The following CACNB4 variants were observed in gnomAD, a reference collection of about 807,000 sequenced individuals.
CACNB4 encodes the protein calcium voltage-gated channel auxiliary subunit beta 4, also known as voltage-dependent L-type calcium channel subunit beta-4.
Under a neutral mutation model 71.2 loss-of-function variants are expected in CACNB4, and 32 were observed. The observed-to-expected ratio is 0.45, with a 90% CI of 0.34 to 0.60. CACNB4 has a LOEUF of 0.60. CACNB4 is among the 20% of genes least tolerant of loss of function. The pLI is 0.01. For missense variants in CACNB4, 464 were observed against 647.9 expected (o/e 0.72, Z 3.08); for synonymous variants, 231 against 236.9 (o/e 0.97, Z 0.23).
chr2:151,922,340 C>A lies in CACNB4; in HGVS notation c.148-38970G>T, dbSNP rs145425697. ...ACCTCTGCATCCTAAGTAACTGGGACTATAGGCGTGTGCTGCCTTGGCTGG... is the reference window on the plus strand; with the variant it reads ...ACCTCTGCATCCTAAGTAACTGGGAATATAGGCGTGTGCTGCCTTGGCTGG... On this transcript the variant is annotated intron_variant, in intron 2 of 13. Transcript: ENST00000539935. 6.1e-4 allele frequency among the ~76,000 whole-genome samples: 93 copies of A among 152,254 alleles called. 1 individual carries two copies. Among genetic ancestry groups the A allele is most frequent in the African/African-American group, 2.2e-3 (90 of 41,560 alleles).
intron 2 of CACNB4, among the ~76,000 whole-genome samples, chr2:151,940,715 G>T (rs1364999910): frequency 6.6e-6 from 1 of 152,194 alleles, no homozygotes; most frequent in Non-Finnish European, 1.5e-5. Context: ...AGGAATACAA[G>T]GGAGGGTTAT....
At chr2:152,066,277 C>T (rs1686315741) in intron 2 of CACNB4, among the ~76,000 whole-genome samples, 2 of 152,300 alleles carry the variant, frequency 1.3e-5, no homozygotes, top group South Asian at 4.1e-4. Context: ...CAGCTCCACA[C>T]TCATGCATTT....
chr2:151,897,706 T>C (rs562626353), intron 2 of CACNB4, among the ~76,000 whole-genome samples: 33 of 152,306 alleles, frequency 2.2e-4, no homozygotes, highest in Admixed American at 1.4e-3. Context: ...CTTGACTACC[T>C]GGGCTGGAAT....
At chr2:151,851,121 A>T (rs903818226) in intron 12 of CACNB4, 1 of 152,232 alleles carries the variant, frequency 6.6e-6, no homozygotes, top group Non-Finnish European at 1.5e-5. Context: ...TAAAGGAATT[A>T]AAATGACACA....
At chr2:151,953,816 T>C (rs1314287681) in intron 2 of CACNB4, among the ~76,000 whole-genome samples, 1 of 152,234 alleles carries the variant, frequency 6.6e-6, no homozygotes, top group Non-Finnish European at 1.5e-5. Flanking sequence ...TAGGTACTTG[T>C]GAACTTTTCA....
intron 2 of CACNB4, among the ~76,000 whole-genome samples, chr2:152,088,883 G>A (rs1687819160): frequency 6.6e-6 from 1 of 152,160 alleles, no homozygotes; most frequent in Non-Finnish European, 1.5e-5. Context: ...CCAAAGCACT[G>A]TTTATATTCA....
intron 2 of CACNB4, chr2:151,973,857 T>A: frequency 6.8e-7 from 1 of 1,475,956 alleles, no homozygotes; most frequent in South Asian, 1.4e-5. Flanking sequence ...GGCAAGATGC[T>A]ATTCATTCAC....
chr2:151,927,429 G>A (rs1457581764), intron 2 of CACNB4, among the ~76,000 whole-genome samples: 2 of 152,186 alleles, frequency 1.3e-5, no homozygotes, highest in African/African-American at 4.8e-5. Context: ...CTGGGAAGAT[G>A]TGGTGGAAAG....
At chr2:151,943,328 T>C (rs1441087102) in intron 2 of CACNB4, among the ~76,000 whole-genome samples, 8 of 152,138 alleles carry the variant, frequency 5.3e-5, no homozygotes, top group Admixed American at 2.0e-4. Context: ...TCTGCCCAAA[T>C]TGTCATTATC....
intron 2 of CACNB4, among the ~76,000 whole-genome samples, chr2:152,032,247 G>A (rs537351816): frequency 2.6e-5 from 4 of 152,236 alleles, no homozygotes; most frequent in South Asian, 2.1e-4. Context: ...TTTGCTCCAC[G>A]GATAAGAAAT....
At chr2:152,034,927 T>C (rs12693213) in intron 2 of CACNB4, among the ~76,000 whole-genome samples, 43,140 of 152,094 alleles carry the variant, frequency 0.28, 6,305 homozygotes, top group Middle Eastern at 0.43. Context: ...ACCAAAGGAA[T>C]CGTGAGTGCA....
chr2:152,096,279 A>T (rs1189904113), intron 2 of CACNB4, among the ~76,000 whole-genome samples: 2 of 152,060 alleles, frequency 1.3e-5, no homozygotes, highest in East Asian at 4.0e-4. Context: ...GTCAGGAGAT[A>T]AAGACCATCC....
chr2:152,029,544 C>A (rs1684168302), intron 2 of CACNB4, among the ~76,000 whole-genome samples: 1 of 134,176 alleles, frequency 7.5e-6, no homozygotes, highest in Non-Finnish European at 1.7e-5. Context: ...AAAGAAAGAG[C>A]CCAGAGTTTG....
intron 2 of CACNB4, among the ~76,000 whole-genome samples, chr2:151,885,063 T>C (rs2099849017): frequency 2.0e-5 from 3 of 152,334 alleles, no homozygotes; most frequent in Admixed American, 6.5e-5. Context: ...TGTCTCTCAG[T>C]AGAGGCCATC....
chr2:152,042,519 A>G (rs933183058), intron 2 of CACNB4, among the ~76,000 whole-genome samples: 3 of 152,204 alleles, frequency 2.0e-5, no homozygotes, highest in African/African-American at 7.2e-5. Flanking sequence ...CAGCTAGACT[A>G]GCAGTACCAT....
intron 2 of CACNB4, among the ~76,000 whole-genome samples, chr2:152,078,168 C>A (rs1285678509): frequency 2.0e-5 from 3 of 152,152 alleles, no homozygotes; most frequent in Admixed American, 2.0e-4. Flanking sequence ...CTGCGAGGAA[C>A]AATATTCTGG....
At position 152,098,997 on chromosome 2, in the gene CACNB4, G is replaced by A; in HGVS notation, c.15C>T (p.Ser5=). The change falls in exon 1 of 14, where the codon TCC becomes TCT. Residue 5 remains serine, a synonymous_variant. Transcript: ENST00000539935. This position sits in a 1 kb window ranked among gnomAD's most constrained non-coding sequence, Gnocchi z 5.3. ...CGTCCGCGGTCCCGTTCTTGGCGTA[G>A]GAGGAGGAGGACATCGTTCAGAGCC... MSSS[S]YAKNGTADGP... 2 of 1,529,250 alleles carry A rather than the reference G, an allele frequency of 1.3e-6. No individual in the cohort carries two copies. Among genetic ancestry groups the A allele is most frequent in the Non-Finnish European group, 1.8e-6 (2 of 1,139,424 alleles). The allele number at this position is 1,529,250 out of a possible 1,614,324, so 94.7% of individuals were successfully genotyped here.
chr2:152,002,121 A>C (rs1051660647), intron 2 of CACNB4, among the ~76,000 whole-genome samples: 14 of 152,154 alleles, frequency 9.2e-5, no homozygotes, highest in African/African-American at 2.9e-4. Flanking sequence ...GCAATGCCGC[A>C]CCTCCACGAT....
rs761993032 is a variant in CACNB4 at position 151,912,918 on chromosome 2, T to C, written c.148-29548A>G. 5.2e-4 allele frequency among the ~76,000 whole-genome samples: 79 copies of C among 151,956 alleles called. 1 individual carries two copies. Among genetic ancestry groups the C allele is most frequent in the Non-Finnish European group, 1.0e-3 (71 of 68,012 alleles). ...TGTTGAATTGTTCCCTTTACCATTA[T>C]GTAATGTCCTTCTTTGTCTTTTTTG... On this transcript the variant is annotated intron_variant, in intron 2 of 13. Transcript: ENST00000539935.
Sources: gnomAD v4.1 joint callset for allele counts (sites outside exome capture counted in the v4.1 genomes callset) on GRCh38, gnomAD v4.1.1 for gene constraint, Gnocchi (gnomAD v3.1) non-coding constraint, MANE v1.5 for transcripts, NCBI Gene and HGNC (gene_info 2026-07-23, HGNC 2026-07-21) for gene names.